BBS7: variants seen among roughly 807,000 people sequenced by gnomAD.
BBS7 encodes the protein Bardet-Biedl syndrome 7, also known as BBSome complex member BBS7.
In BBS7, 50 loss-of-function variants were observed where a neutral mutation model predicts 90.3. The observed-to-expected ratio is 0.55, with a 90% confidence interval of 0.44 to 0.70. The LOEUF is 0.70. BBS7 is among the 30% of genes least tolerant of loss of function. The probability of loss-of-function intolerance (pLI) is 0.00; values close to 1 mark genes in which losing one functional copy is unlikely to be tolerated. For synonymous variants in BBS7, 235 were observed against 287.4 expected, an observed-to-expected ratio of 0.82 and a Z score of 1.85; for missense variants, 729 against 838.9, an observed-to-expected ratio of 0.87 and a Z score of 1.62.
At chr4:121,856,834 A>T (rs1477430588) in intron 5 of BBS7, among the ~76,000 whole-genome samples, 1 of 151,172 alleles carries the variant, frequency 6.6e-6, no homozygotes, top group East Asian at 1.9e-4. Flanking sequence ...CAATGCTGTG[A>T]CCTCAGCTCG....
chr4:121,840,706 GCTATTTCT>G (rs1452726353), intron 12 of BBS7, among the ~76,000 whole-genome samples: 14 of 152,052 alleles, frequency 9.2e-5, no homozygotes, highest in Non-Finnish European at 1.9e-4. Flanking sequence ...TTTTGAGACT[GCTATTTCT>G]CTATTTTTAT....
intron 9 of BBS7, among the ~76,000 whole-genome samples, chr4:121,848,458 C>T (rs1726132281): frequency 6.6e-6 from 1 of 152,150 alleles, no homozygotes; most frequent in Non-Finnish European, 1.5e-5. Context: ...AATCAGTTAT[C>T]AGATCAACTG....
intron 7 of BBS7, among the ~76,000 whole-genome samples, chr4:121,854,274 C>A (rs1218233328): frequency 6.6e-6 from 1 of 152,182 alleles, no homozygotes; most frequent in African/African-American, 2.4e-5. Context: ...ATAGGCATCT[C>A]ACTATCTACC....
intron 4 of BBS7, among the ~76,000 whole-genome samples, chr4:121,860,957 T>C (rs1726939099): frequency 6.6e-6 from 1 of 152,226 alleles, no homozygotes; most frequent in African/African-American, 2.4e-5. Flanking sequence ...CAAGGGATTC[T>C]TCTAAGTAGC....
intron 8 of BBS7, 82 bp from the exon 9 acceptor site, chr4:121,849,010 CT>C: frequency 9.7e-7 from 1 of 1,032,008 alleles, no homozygotes; most frequent in Non-Finnish European, 1.5e-6. Context: ...AACGTTTTCC[CT>C]GGCTCCAGAC....
chr4:121,859,051 T>C lies in BBS7; in HGVS notation c.469A>G (p.Arg157Gly). The C allele has an allele frequency of 6.2e-7, 1 of 1,613,974 alleles. No individual in the cohort carries two copies. The highest frequency in any genetic ancestry group is 8.5e-7 in the Non-Finnish European group (1 of 1,179,904). The change falls in exon 5 of 19, where the codon AGA (arginine) becomes GGA (glycine). Residue 157 changes from arginine to glycine, a missense_variant. Physicochemically the swap from Arg to Gly is moderately radical, Grantham distance 125. Coordinates refer to ENST00000264499, the MANE Select transcript of BBS7 (RefSeq NM_176824.3). ...INDVICLPVE[R>G]LSRITPVLAC... ...AATACAGGTGTGATACGAGATAATC[T>C]TTCCACTGGAAGGCAGATCACATCA...
At position 121,861,656 on chromosome 4, in the gene BBS7, C is replaced by T. The variant is rs541833400; in HGVS notation, c.189G>A (p.Gly63=). Reference sequence around the variant, plus strand: ...CCAGTTCCAGCCTTGCAATCTTCGGCCCGGGTAAAGTCTTGAACACTGCCT... The same window carrying T: ...CCAGTTCCAGCCTTGCAATCTTCGGTCCGGGTAAAGTCTTGAACACTGCCT... ...EAAAVFKTLP[G]PKIARLELGG... Residue 63 remains glycine (G), a synonymous_variant, in exon 4 of 19, where the codon GGG becomes GGA. Transcript: ENST00000264499. 6.2e-7 allele frequency: 1 copy of T among 1,613,396 alleles called. No homozygotes were observed. The highest frequency in any genetic ancestry group is 8.5e-7 in the Non-Finnish European group (1 of 1,179,654).
At chr4:121,869,678 A>G (rs1727477098) in intron 1 of BBS7, among the ~76,000 whole-genome samples, 1 of 152,104 alleles carries the variant, frequency 6.6e-6, no homozygotes, top group African/African-American at 2.4e-5. Flanking sequence ...ACCTGGGATT[A>G]CAGGCGCCCG....
At chr4:121,838,364 GA>G (rs35961896) in intron 13 of BBS7, among the ~76,000 whole-genome samples, 1,119 of 109,938 alleles carry the variant, frequency 0.01, 10 homozygotes, top group African/African-American at 0.038. Context: ...CATCTCTCTT[GA>G]AAAAAAAAAA....
At chr4:121,829,260 G>T (rs1725058669) in intron 15 of BBS7, among the ~76,000 whole-genome samples, 1 of 149,240 alleles carries the variant, frequency 6.7e-6, no homozygotes, top group Admixed American at 6.6e-5. Context: ...TTTTGAGACG[G>T]AGTCTCATTC....
intron 15 of BBS7, among the ~76,000 whole-genome samples, chr4:121,829,617 T>TGAA (rs1725082269): frequency 6.6e-6 from 1 of 152,168 alleles, no homozygotes; most frequent in Non-Finnish European, 1.5e-5. Context: ...TCAGTTTCAG[T>TGAA]GGCAATGGTC....
intron 18 of BBS7, among the ~76,000 whole-genome samples, chr4:121,826,593 C>A (rs1014039157): frequency 6.6e-6 from 1 of 152,134 alleles, no homozygotes; most frequent in Admixed American, 6.5e-5. Flanking sequence ...TGGTATTAAC[C>A]CCAAGGGGAC....
At chr4:121,861,303 A>G (rs1005611113) in intron 4 of BBS7, 7 of 496,162 alleles carry the variant, frequency 1.4e-5, no homozygotes, top group Non-Finnish European at 2.1e-5. Flanking sequence ...GATTGTATAA[A>G]TACTATAAAG....
intron 11 of BBS7, 35 bp from the exon 12 acceptor site, chr4:121,844,036 T>C (rs1044227523): frequency 2.3e-6 from 3 of 1,319,332 alleles, no homozygotes; most frequent in South Asian, 2.5e-5. Context: ...AAGGTTGAGA[T>C]GGAAAACCTA....
At chr4:121,842,719 T>C (rs1725807029) in intron 12 of BBS7, among the ~76,000 whole-genome samples, 2 of 152,200 alleles carry the variant, frequency 1.3e-5, no homozygotes, top group Middle Eastern at 3.4e-3. Context: ...ATAAAATATA[T>C]ATTAATATAA....
Position 121,824,815 on chromosome 4 carries a change from CATAACTA to C in BBS7, c.*1038_*1044del, listed in dbSNP as rs1321213707. On this transcript the variant is annotated 3_prime_UTR_variant, in exon 19 of 19. Transcript: ENST00000264499. The surrounding 1 kb of genome is among the most constrained non-coding windows in gnomAD (Gnocchi z 4.1). ...AATATAAGAATATACAAAGCTTGCA[CATAACTA>C]ATAAGTATAATAGCATATCATTAAG... is the stretch of plus-strand genomic sequence containing the variant. 2 of 151,870 alleles carry C rather than the reference CATAACTA, an allele frequency of 1.3e-5. No homozygotes were observed. Among genetic ancestry groups the C allele is most frequent in the African/African-American group, 4.8e-5 (2 of 41,392 alleles). The allele number at this position is 151,870 out of a possible 1,614,324, so 9.4% of individuals were successfully genotyped here.
Position 121,828,391 on chromosome 4 carries a change from C to T in BBS7, c.1890+11G>A. 6.2e-7 allele frequency: 1 copy of T among 1,608,938 alleles called. No individual in the cohort carries two copies. The highest frequency in any genetic ancestry group is 8.5e-7 in the Non-Finnish European group (1 of 1,175,360). ...TAATAATCACCAGTCCACGACGACA[C>T]ATGTACTTACTTTTAAAGCATCAAT... is the stretch of plus-strand genomic sequence containing the variant. On this transcript the variant is annotated intron_variant, in intron 17 of 18. Coordinates refer to ENST00000264499, the MANE Select transcript of BBS7 (RefSeq NM_176824.3).
intron 6 of BBS7, 98 bp downstream of exon 6, chr4:121,855,391 A>G (rs984533925): frequency 1.1e-5 from 12 of 1,123,952 alleles, no homozygotes; most frequent in Non-Finnish European, 1.5e-5. Context: ...CCAGAAAGAC[A>G]ACTGTCTCAA....
rs112487175 is a variant in BBS7, at chr4:121,846,862, C to T, written c.1037+542G>A. Among the ~76,000 whole-genome samples the T allele has an allele frequency of 6.8e-3, 1,028 of 152,294 alleles. 8 individuals are homozygous for T. The highest frequency in any genetic ancestry group is 0.024 in the African/African-American group (989 of 41,556). On this transcript the variant is annotated intron_variant, in intron 10 of 18. Coordinates refer to ENST00000264499, the MANE Select transcript of BBS7 (RefSeq NM_176824.3). ...AGTCATTAAAAGTTTCAGCAACTCC[C>T]ACGTCTTCGTTGTATGAAGCACCTT...
Sources: allele counts gnomAD v4.1 joint callset (sites outside exome capture counted in the v4.1 genomes callset), GRCh38; gene constraint gnomAD v4.1.1; non-coding constraint Gnocchi (gnomAD v3.1); transcripts MANE v1.5; gene names NCBI Gene and HGNC (gene_info 2026-07-23, HGNC 2026-07-21).